Variants in CIMIP2A observed in about 807,000 individuals in gnomAD.
CIMIP2A encodes family with sequence similarity 166 member A.
At chr9:137,252,082 G>C in the CIMIP2A span, 2 of 1,612,732 alleles carry the variant, frequency 1.2e-6, no homozygotes, top group East Asian at 4.5e-5. Flanking sequence ...CCGTCCGTAC[G>C]AGAGTCCTCC....
chr9:137,244,474 A>G, the CIMIP2A span: 41 of 1,497,036 alleles, frequency 2.7e-5, no homozygotes, highest in East Asian at 7.6e-4. Flanking sequence ...AAGACTCAGG[A>G]GAGAGGGGTT....
the CIMIP2A span, among the ~76,000 whole-genome samples, chr9:137,246,224 G>A: frequency 3.3e-5 from 5 of 152,354 alleles, no homozygotes; most frequent in South Asian, 6.2e-4. Flanking sequence ...GGACATAGGC[G>A]AGGGACGGAC....
At chr9:137,253,440 C>G in the CIMIP2A span, 2 of 1,441,032 alleles carry the variant, frequency 1.4e-6, no homozygotes, top group African/African-American at 2.9e-5. Flanking sequence ...GATCCCCCAT[C>G]TGCCCATCTC....
At chr9:137,252,094 C>G in the CIMIP2A span, 2 of 1,612,654 alleles carry the variant, frequency 1.2e-6, no homozygotes, top group Non-Finnish European at 1.7e-6. Context: ...GAGTCCTCCC[C>G]ACACCCCCAC....
chr9:137,251,857 A>T, the CIMIP2A span: 15 of 1,608,428 alleles, frequency 9.3e-6, no homozygotes, highest in Non-Finnish European at 1.3e-5. Context: ...ACCCCCCAGG[A>T]GTCCCTGCCC....
At chr9:137,244,706 C>G in the CIMIP2A span, 1 of 1,613,634 alleles carries the variant, frequency 6.2e-7, no homozygotes, top group Non-Finnish European at 8.5e-7. Flanking sequence ...CCCCATTACC[C>G]AGGTGAAACG....
the CIMIP2A span, chr9:137,243,617 G>C: frequency 1.2e-6 from 2 of 1,612,712 alleles, no homozygotes; most frequent in East Asian, 2.2e-5. Context: ...CTCCCAGCCT[G>C]TCCTGTGGCC....
chr9:137,244,047 A>G, the CIMIP2A span: 2 of 1,088,562 alleles, frequency 1.8e-6, no homozygotes, highest in Admixed American at 3.8e-5. Context: ...TACCCCAACC[A>G]AGGTGGGACC....
At chr9:137,252,374 C>T in the CIMIP2A span, 33 of 1,518,652 alleles carry the variant, frequency 2.2e-5, no homozygotes, top group African/African-American at 5.5e-5. Flanking sequence ...GAGACAGGTT[C>T]GAGTGGGGAC....
chr9:137,251,604 C>T, the CIMIP2A span: 6 of 1,150,646 alleles, frequency 5.2e-6, no homozygotes, highest in South Asian at 9.1e-5. Context: ...GGCTGAGGGA[C>T]AGTGTGGGGA....
the CIMIP2A span, chr9:137,244,621 C>T: frequency 2.2e-4 from 354 of 1,612,896 alleles, no homozygotes; most frequent in Non-Finnish European, 2.9e-4. Flanking sequence ...TGGGAGCAGG[C>T]CCTGGATGGC....
At chr9:137,245,845 C>T in the CIMIP2A span, 9 of 1,505,946 alleles carry the variant, frequency 6.0e-6, no homozygotes, top group South Asian at 8.1e-5. Flanking sequence ...CGGAAAGAAG[C>T]CGGCATAGCT....
chr9:137,247,806 G>A, the CIMIP2A span: 10 of 1,312,488 alleles, frequency 7.6e-6, no homozygotes, highest in Non-Finnish European at 8.6e-6. Flanking sequence ...CAACCATTGT[G>A]AGGGGCCAGC....
chr9:137,244,428 C>G, the CIMIP2A span: 1 of 1,528,052 alleles, frequency 6.5e-7, no homozygotes, highest in Non-Finnish European at 8.8e-7. Flanking sequence ...CATCCCCCTA[C>G]CCCCGACTCC....
chr9:137,252,881 C>G, the CIMIP2A span: 198 of 1,592,554 alleles, frequency 1.2e-4, no homozygotes, highest in Non-Finnish European at 1.6e-4. Flanking sequence ...CTACAATATC[C>G]TTCCTGGGAG....
chr9:137,248,918 G>A, the CIMIP2A span, among the ~76,000 whole-genome samples: 1 of 151,906 alleles, frequency 6.6e-6, no homozygotes, highest in Non-Finnish European at 1.5e-5. Context: ...CTGGAAAAAA[G>A]TTTGCAGTAA....
chr9:137,251,132 T>G, the CIMIP2A span: 1 of 652,210 alleles, frequency 1.5e-6, no homozygotes, highest in South Asian at 1.6e-5. Context: ...GATCATCTAG[T>G]TAGTGGGGGA....
At chr9:137,252,451 A>G in the CIMIP2A span, 1 of 1,609,034 alleles carries the variant, frequency 6.2e-7, no homozygotes, top group African/African-American at 1.3e-5. Flanking sequence ...CGGTGGCCGC[A>G]GGGCATGGCA....
chr9:137,244,997 G>A, the CIMIP2A span: 1 of 1,608,442 alleles, frequency 6.2e-7, no homozygotes, highest in South Asian at 1.1e-5. Context: ...GGAAAAGTGG[G>A]CCCCTGTGGC....
Sources: gnomAD v4.1 joint callset for allele counts (sites outside exome capture counted in the v4.1 genomes callset) on GRCh38, gnomAD v4.1.1 for gene constraint, MANE v1.5 for transcripts, NCBI Gene and HGNC (gene_info 2026-07-23, HGNC 2026-07-21) for gene names.